The following FAF1 variants were observed in gnomAD, a reference collection of about 807,000 sequenced individuals.
FAF1 encodes Fas associated factor 1.
A neutral mutation model predicts 92.5 loss-of-function variants in FAF1; 25 were observed. The observed-to-expected ratio is 0.27, with a 90% CI of 0.20 to 0.38. The LOEUF (loss-of-function observed/expected upper bound fraction) is 0.38, where lower values mean the gene tolerates loss of function less well. Among genes scored for constraint, FAF1 ranks in the 10% least tolerant of loss-of-function variants. The pLI, the probability that FAF1 is intolerant of heterozygous loss-of-function variation, is 1.00. For missense variants in FAF1, 636 were observed against 793.3 expected, an observed-to-expected ratio of 0.80 and a Z score of 2.38; for synonymous variants, 234 against 273.2, an observed-to-expected ratio of 0.86 and a Z score of 1.42.
At chr1:50,570,969 T>C (rs567058213) in intron 12 of FAF1, among the ~76,000 whole-genome samples, 43 of 152,180 alleles carry the variant, frequency 2.8e-4, no homozygotes, top group African/African-American at 1.0e-3. Flanking sequence ...AGAAAACGAG[T>C]AAGAAAATGT....
intron 15 of FAF1, among the ~76,000 whole-genome samples, chr1:50,510,156 ACT>A (rs1409094954): frequency 6.9e-6 from 1 of 145,498 alleles, no homozygotes; most frequent in East Asian, 2.0e-4. Flanking sequence ...ACAGAACGAG[ACT>A]CTGTCTCAAA....
At chr1:50,854,802 T>C (rs1022715265) in intron 2 of FAF1, among the ~76,000 whole-genome samples, 11 of 151,846 alleles carry the variant, frequency 7.2e-5, no homozygotes, top group Non-Finnish European at 1.6e-4. Flanking sequence ...CAATCACCGT[T>C]TTTTTAGGAA....
chr1:50,746,280 ATATATATATATATTTTTTTTTTTTTT>A (rs1488393743), intron 4 of FAF1, among the ~76,000 whole-genome samples: 56 of 18,846 alleles, frequency 3.0e-3, no homozygotes, highest in Admixed American at 7.9e-3. Flanking sequence ...ATATATATAT[ATATATATATATATTTTTTTTTTTTTT>A]TTTTTTTTTT....
intron 8 of FAF1, among the ~76,000 whole-genome samples, chr1:50,617,924 A>G (rs1468193579): frequency 6.6e-6 from 1 of 151,894 alleles, no homozygotes; most frequent in Non-Finnish European, 1.5e-5. Flanking sequence ...ATTTCCTCCA[A>G]ATTTTCTAAT....
At chr1:50,919,976 C>T (rs1644950230) in intron 1 of FAF1, among the ~76,000 whole-genome samples, 1 of 152,164 alleles carries the variant, frequency 6.6e-6, no homozygotes, top group Non-Finnish European at 1.5e-5. Flanking sequence ...AATTCCTTCC[C>T]TGAGTGGTCT....
intron 2 of FAF1, among the ~76,000 whole-genome samples, chr1:50,827,084 C>T (rs569254775): frequency 8.2e-4 from 124 of 151,962 alleles, no homozygotes; most frequent in Non-Finnish European, 1.3e-3. Context: ...GTGAGGAGCG[C>T]CTCTGCCCGG....
chr1:50,781,881 C>G (rs1191758802), intron 4 of FAF1, among the ~76,000 whole-genome samples: 1 of 152,130 alleles, frequency 6.6e-6, no homozygotes, highest in Admixed American at 6.5e-5. Context: ...AGTCATGCTC[C>G]TCATAACAAT....
intron 8 of FAF1, among the ~76,000 whole-genome samples, chr1:50,610,581 T>C (rs1652640395): frequency 1.3e-5 from 2 of 152,232 alleles, no homozygotes; most frequent in Admixed American, 1.3e-4. Context: ...GAAAAATCTA[T>C]CTTGGATGCA....
chr1:50,824,655 T>C (rs568082954), intron 2 of FAF1, among the ~76,000 whole-genome samples: 92 of 152,274 alleles, frequency 6.0e-4, no homozygotes, highest in African/African-American at 2.2e-3. Flanking sequence ...CCTATGTTTA[T>C]TGCAGCACTA....
intron 4 of FAF1, among the ~76,000 whole-genome samples, chr1:50,771,408 CTTAAA>C (rs1177139729): frequency 2.0e-5 from 3 of 152,088 alleles, no homozygotes; most frequent in African/African-American, 7.2e-5. Flanking sequence ...CTATAAGAAA[CTTAAA>C]TTAATGAGCA....
intron 1 of FAF1, among the ~76,000 whole-genome samples, chr1:50,908,586 T>C (rs1367426179): frequency 6.6e-6 from 1 of 151,890 alleles, no homozygotes; most frequent in Admixed American, 6.5e-5. Flanking sequence ...TTTAGGATAG[T>C]TAGCTCTTCT....
intron 8 of FAF1, among the ~76,000 whole-genome samples, chr1:50,614,416 GA>G (rs141549228): frequency 7.3e-5 from 11 of 151,626 alleles, no homozygotes; most frequent in South Asian, 4.2e-4. Flanking sequence ...GTTAAGGGGG[GA>G]AAAAAAAGAA....
chr1:50,586,795 C>T (rs201130108), intron 9 of FAF1, among the ~76,000 whole-genome samples: 6 of 152,182 alleles, frequency 3.9e-5, no homozygotes, highest in Admixed American at 2.0e-4. Context: ...CTTGAGTTCC[C>T]GCTGTGTTTC....
chr1:50,812,094 C>T (rs552765011), intron 2 of FAF1, among the ~76,000 whole-genome samples: 12 of 152,036 alleles, frequency 7.9e-5, no homozygotes, highest in African/African-American at 2.4e-4. Flanking sequence ...AATGTAAAAC[C>T]TAAAACCTCA....
chr1:50,630,828 C>CTTTTT (rs1052085908), intron 8 of FAF1, among the ~76,000 whole-genome samples: 91 of 102,492 alleles, frequency 8.9e-4, no homozygotes, highest in Middle Eastern at 9.3e-3. Context: ...TGTATCATAT[C>CTTTTT]TTTTTTTTTT....
chr1:50,730,107 C>A (rs180679114), intron 6 of FAF1, among the ~76,000 whole-genome samples: 3 of 152,138 alleles, frequency 2.0e-5, no homozygotes, highest in South Asian at 4.2e-4. Flanking sequence ...GAGCAGCATG[C>A]GGAATTTTTG....
chr1:50,508,421 C>T (rs1647087203), intron 15 of FAF1, among the ~76,000 whole-genome samples: 2 of 152,184 alleles, frequency 1.3e-5, no homozygotes, highest in Admixed American at 1.3e-4. Flanking sequence ...GAATGAATTA[C>T]TGATACATGC....
intron 18 of FAF1, among the ~76,000 whole-genome samples, chr1:50,442,042 G>GA (rs909031825): frequency 1.3e-5 from 2 of 150,298 alleles, no homozygotes; most frequent in African/African-American, 2.4e-5. Context: ...ATTTAGTTTG[G>GA]AAAAAAAACA....
intron 2 of FAF1, among the ~76,000 whole-genome samples, chr1:50,811,521 T>C (rs1431270434): frequency 6.6e-6 from 1 of 152,120 alleles, no homozygotes; most frequent in Admixed American, 6.5e-5. Flanking sequence ...AAGATCTCTG[T>C]AATGAGAATT....
Sources: gnomAD v4.1 joint callset for allele counts (sites outside exome capture counted in the v4.1 genomes callset) on GRCh38, gnomAD v4.1.1 for gene constraint, MANE v1.5 for transcripts, NCBI Gene and HGNC (gene_info 2026-07-23, HGNC 2026-07-21) for gene names.